The following SAMTOR variants were observed in gnomAD, a reference collection of about 807,000 sequenced individuals.
SAMTOR encodes S-adenosylmethionine sensor upstream of mTORC1.
chr7:112,833,255 A>G, the SAMTOR span, among the ~76,000 whole-genome samples: 1 of 152,226 alleles, frequency 6.6e-6, no homozygotes. Context: ...AAAACAAATG[A>G]GAATCTGTAA....
At chr7:112,853,538 T>G in the SAMTOR span, among the ~76,000 whole-genome samples, 4 of 152,154 alleles carry the variant, frequency 2.6e-5, no homozygotes, top group Admixed American at 2.6e-4. Flanking sequence ...TTTGAACTAC[T>G]CAAGACATGT....
the SAMTOR span, among the ~76,000 whole-genome samples, chr7:112,881,815 A>G: frequency 2.0e-5 from 3 of 152,070 alleles, no homozygotes; most frequent in African/African-American, 7.2e-5. Flanking sequence ...GTCTGTGTAC[A>G]TTTTTCCTGG....
the SAMTOR span, among the ~76,000 whole-genome samples, chr7:112,844,283 G>A: frequency 4.6e-5 from 7 of 152,056 alleles, no homozygotes; most frequent in Non-Finnish European, 1.0e-4. Flanking sequence ...AGAGCAATCG[G>A]ATAAGAGAAA....
chr7:112,858,855 T>C, the SAMTOR span, among the ~76,000 whole-genome samples: 4 of 152,232 alleles, frequency 2.6e-5, no homozygotes, highest in East Asian at 7.7e-4. Context: ...TGATATTTAA[T>C]ACATGAAATG....
At chr7:112,927,894 A>C in the SAMTOR span, among the ~76,000 whole-genome samples, 1 of 152,052 alleles carries the variant, frequency 6.6e-6, no homozygotes, top group Non-Finnish European at 1.5e-5. Flanking sequence ...TAAAGTTGCC[A>C]AACCAAGTTC....
At chr7:112,925,533 C>G in the SAMTOR span, among the ~76,000 whole-genome samples, 5 of 152,166 alleles carry the variant, frequency 3.3e-5, no homozygotes, top group Admixed American at 6.5e-5. Flanking sequence ...GTAGCTCTTG[C>G]CTGTAATCCC....
At chr7:112,877,678 T>C in the SAMTOR span, among the ~76,000 whole-genome samples, 1,622 of 152,216 alleles carry the variant, frequency 0.011, 31 homozygotes, top group African/African-American at 0.037. Context: ...TGAATTGTAA[T>C]CCCCAATGCT....
the SAMTOR span, chr7:112,821,747 A>C: frequency 6.3e-7 from 1 of 1,586,934 alleles, no homozygotes; most frequent in Non-Finnish European, 8.5e-7. Flanking sequence ...TTCTATATTA[A>C]CTTAAAAGTA....
chr7:112,859,085 C>T, the SAMTOR span, among the ~76,000 whole-genome samples: 1 of 152,142 alleles, frequency 6.6e-6, no homozygotes, highest in Admixed American at 6.5e-5. Context: ...TGAGTTTGCT[C>T]CCAGAAAGGA....
chr7:112,829,741 T>C, the SAMTOR span, among the ~76,000 whole-genome samples: 1 of 152,232 alleles, frequency 6.6e-6, no homozygotes, highest in Non-Finnish European at 1.5e-5. Flanking sequence ...AGAGCACTAG[T>C]ATTTAGTCTA....
chr7:112,879,011 G>C, the SAMTOR span, among the ~76,000 whole-genome samples: 2 of 152,008 alleles, frequency 1.3e-5, no homozygotes, highest in Admixed American at 6.6e-5. Context: ...ACAGCGGAAG[G>C]GGTCAAAAAT....
At chr7:112,852,872 T>C in the SAMTOR span, among the ~76,000 whole-genome samples, 1 of 152,082 alleles carries the variant, frequency 6.6e-6, no homozygotes, top group African/African-American at 2.4e-5. Context: ...GATCCAATGA[T>C]AATGAACCAG....
the SAMTOR span, among the ~76,000 whole-genome samples, chr7:112,831,950 T>G: frequency 6.6e-6 from 1 of 151,360 alleles, no homozygotes; most frequent in Non-Finnish European, 1.5e-5. Flanking sequence ...ATAAACCAAA[T>G]ATAACAAAAT....
chr7:112,852,818 G>C, the SAMTOR span, among the ~76,000 whole-genome samples: 2 of 151,870 alleles, frequency 1.3e-5, no homozygotes, highest in African/African-American at 4.8e-5. Flanking sequence ...CTTTCTTAGT[G>C]TGTCATATAT....
chr7:112,873,124 TA>T, the SAMTOR span, among the ~76,000 whole-genome samples: 1 of 152,048 alleles, frequency 6.6e-6, no homozygotes, highest in Non-Finnish European at 1.5e-5. Flanking sequence ...TCAGTATTGT[TA>T]AAATGTCCAT....
chr7:112,898,411 A>G, the SAMTOR span, among the ~76,000 whole-genome samples: 1 of 151,972 alleles, frequency 6.6e-6, no homozygotes, highest in East Asian at 1.9e-4. Context: ...ACTTGGGGCA[A>G]GGAGAGGAAG....
chr7:112,849,954 C>A, the SAMTOR span, among the ~76,000 whole-genome samples: 1 of 152,102 alleles, frequency 6.6e-6, no homozygotes, highest in Non-Finnish European at 1.5e-5. Flanking sequence ...TGCCTGTAAT[C>A]CCAGCACTTT....
the SAMTOR span, chr7:112,821,730 T>C: frequency 1.3e-6 from 2 of 1,567,528 alleles, no homozygotes; most frequent in Non-Finnish European, 1.7e-6. Context: ...TGAAAGGGGC[T>C]TTTTGCTTCT....
the SAMTOR span, among the ~76,000 whole-genome samples, chr7:112,869,240 A>G: frequency 5.9e-5 from 9 of 152,220 alleles, no homozygotes; most frequent in East Asian, 1.6e-3. Flanking sequence ...TGGGGACCAG[A>G]GCGTGTGGGC....
Sources: allele counts gnomAD v4.1 joint callset (sites outside exome capture counted in the v4.1 genomes callset), GRCh38; gene constraint gnomAD v4.1.1; transcripts MANE v1.5; gene names NCBI Gene and HGNC (gene_info 2026-07-23, HGNC 2026-07-21).